Variants in LRP5 observed in about 807,000 individuals in gnomAD.
LRP5 encodes the protein low-density lipoprotein receptor-related protein 5.
LRP5 carries 62 observed loss-of-function variants against 154.1 expected under a neutral mutation model. The ratio of observed to expected loss-of-function variants is 0.40; its 90% confidence interval spans 0.33 to 0.50. LRP5 has a LOEUF of 0.50. Ranked by LOEUF, LRP5 falls within the 20% of genes least tolerant of loss-of-function variation. The pLI, the probability that LRP5 is intolerant of heterozygous loss-of-function variation, is 0.55. For synonymous variants in LRP5, 966 were observed against 1,011.5 expected, an observed-to-expected ratio of 0.96 and a Z score of 0.85; for missense variants, 1,915 against 2,336.7, an observed-to-expected ratio of 0.82 and a Z score of 3.72.
At chr11:68,364,358 A>ATGTATGTG (rs1555077465) in intron 4 of LRP5, among the ~76,000 whole-genome samples, 1 of 145,426 alleles carries the variant, frequency 6.9e-6, no homozygotes, top group Non-Finnish European at 1.5e-5. Flanking sequence ...ATACATATAT[A>ATGTATGTG]TGTGTGTGTG....
At chr11:68,343,283 G>A (rs540393621) in intron 1 of LRP5, among the ~76,000 whole-genome samples, 9 of 152,316 alleles carry the variant, frequency 5.9e-5, no homozygotes, top group African/African-American at 1.9e-4. Flanking sequence ...CTCTGTGCGT[G>A]TGTTAGCAGG....
At chr11:68,321,258 G>A (rs1358150462) in intron 1 of LRP5, among the ~76,000 whole-genome samples, 1 of 152,056 alleles carries the variant, frequency 6.6e-6, no homozygotes, top group Admixed American at 6.6e-5. Flanking sequence ...GTGTCTTTGT[G>A]TACCGGAATG....
rs546722685 is a variant in LRP5 at position 68,382,316 on chromosome 11, C to T, written c.1016-4000C>T. Among the ~76,000 whole-genome samples the T allele has an allele frequency of 5.3e-5, 8 of 152,252 alleles. No individual in the cohort carries two copies. In the South Asian group the frequency reaches 1.5e-3, roughly 28 times the overall value. On this transcript the variant is annotated intron_variant, in intron 5 of 22. Transcript: ENST00000294304. ...AGGGCTAGGGCTGGGTGTGCTCAGCCCCTGAAGGTTCTAGGCCCATTTGGG... is the reference window on the plus strand; with the variant it reads ...AGGGCTAGGGCTGGGTGTGCTCAGCTCCTGAAGGTTCTAGGCCCATTTGGG...
chr11:68,403,689 C>A lies in LRP5; in HGVS notation c.1791C>A (p.Ala597=). The stretch of plus-strand genomic sequence containing the variant: ...TGGGGCTCAAAGCTGTGAATGTGGC[C>A]AAGGTCGTCGGTGAGTCCGGGGGGT... ...DLMGLKAVNV[A]KVVGTNPCAD... is the part of the protein sequence containing the mutation. The change falls in exon 8 of 23, where the codon GCC becomes GCA. Residue 597 remains alanine (A), a synonymous_variant. Coordinates refer to ENST00000294304, the MANE Select transcript of LRP5 (RefSeq NM_002335.4). 1.2e-6 allele frequency: 2 copies of A among 1,613,752 alleles called. No individual in the cohort carries two copies. Among genetic ancestry groups the A allele is most frequent in the Non-Finnish European group, 1.7e-6 (2 of 1,180,044 alleles).
rs1274316424 is a variant in LRP5 at position 68,413,976 on chromosome 11, C to T, written c.2791C>T (p.His931Tyr). 6.2e-7 allele frequency: 1 copy of T among 1,606,374 alleles called. No homozygotes were observed. The highest frequency in any genetic ancestry group is 8.5e-7 in the Non-Finnish European group (1 of 1,179,918). ...PGGHRCGCAS[H>Y]YTLDPSSRNC... is the part of the protein sequence containing the mutation. ...CGGCCACCGCTGCGGCTGCGCCTCA[C>T]ACTACACCCTGGACCCCAGCAGCCG... Residue 931 changes from histidine (H) to tyrosine (Y), a missense_variant, in exon 12 of 23, where the codon CAC becomes TAC. This residue lies in a region of LRP5 where 1,094 missense variants were observed against 1,210.1 expected (regional missense o/e 0.90). Coordinates refer to ENST00000294304, the MANE Select transcript of LRP5 (RefSeq NM_002335.4). This position sits in a 1 kb window ranked among gnomAD's most constrained non-coding sequence, Gnocchi z 5.1.
chr11:68,368,995 G>A (rs1029590973), intron 5 of LRP5, among the ~76,000 whole-genome samples: 9 of 151,912 alleles, frequency 5.9e-5, no homozygotes, highest in African/African-American at 2.2e-4. Flanking sequence ...CCGCTACTAT[G>A]TCTGGCTAAT....
chr11:68,318,745 C>T (rs181240875), intron 1 of LRP5, among the ~76,000 whole-genome samples: 2 of 152,304 alleles, frequency 1.3e-5, no homozygotes, highest in African/African-American at 4.8e-5. Flanking sequence ...GATATGACAA[C>T]GGCTCCTCTC....
At chr11:68,344,849 C>CTCTTTT (rs1296907089) in intron 1 of LRP5, among the ~76,000 whole-genome samples, 15 of 65,544 alleles carry the variant, frequency 2.3e-4, no homozygotes, top group African/African-American at 9.3e-4. Flanking sequence ...GAATCTCTCT[C>CTCTTTT]TTTTTTTTTT....
chr11:68,426,591 C>T (rs1270142518), intron 16 of LRP5, among the ~76,000 whole-genome samples: 1 of 149,780 alleles, frequency 6.7e-6, no homozygotes, highest in Non-Finnish European at 1.5e-5. Context: ...CCACACCTGG[C>T]TAATTTTTTT....
chr11:68,417,448 G>GTT (rs1565095730), intron 13 of LRP5, among the ~76,000 whole-genome samples: 142 of 40,304 alleles, frequency 3.5e-3, no homozygotes, highest in Middle Eastern at 0.023. Flanking sequence ...GAACAGATTG[G>GTT]CTTTTTTTTT....
chr11:68,377,294 C>A (rs962224729), intron 5 of LRP5, among the ~76,000 whole-genome samples: 1 of 152,204 alleles, frequency 6.6e-6, no homozygotes, highest in African/African-American at 2.4e-5. Flanking sequence ...GCCCTGACCC[C>A]AGGCAGAGCA....
chr11:68,401,320 G>C (rs981077780), intron 7 of LRP5, among the ~76,000 whole-genome samples: 1 of 152,122 alleles, frequency 6.6e-6, no homozygotes, highest in African/African-American at 2.4e-5. Flanking sequence ...ATTGCACACC[G>C]GAGCATCCAG....
rs1317679037 is a variant in LRP5 at position 68,439,935 on chromosome 11, GA to G, written c.4488+20del. 1.3e-6 allele frequency: 2 copies of G among 1,484,998 alleles called. No homozygotes were observed. The highest frequency in any genetic ancestry group is 2.8e-5 in the African/African-American group (2 of 72,240). 92.0% of individuals were successfully genotyped at this position (1,484,998 alleles called of 1,614,324 possible). A position where few individuals can be genotyped will look rare whatever the true frequency, so the allele number is the denominator to read the frequency against. Reference sequence around the variant, plus strand: ...CCCGCCGGTGAGGGGCGGGGCCGGGGAGGGGCGGGGCGGGATGGGGCTGTGG... The same window carrying G: ...CCCGCCGGTGAGGGGCGGGGCCGGGGGGGGCGGGGCGGGATGGGGCTGTGG... On this transcript the variant is annotated intron_variant, in intron 21 of 22. Coordinates refer to ENST00000294304, the MANE Select transcript of LRP5 (RefSeq NM_002335.4).
chr11:68,315,950 G>A (rs2098593102), intron 1 of LRP5, among the ~76,000 whole-genome samples: 1 of 151,976 alleles, frequency 6.6e-6, no homozygotes, highest in South Asian at 2.1e-4. Context: ...TTTAAATTGA[G>A]GTGAAACTTA....
At chr11:68,329,585 A>G (rs1427584240) in intron 1 of LRP5, among the ~76,000 whole-genome samples, 1 of 152,170 alleles carries the variant, frequency 6.6e-6, no homozygotes, top group Non-Finnish European at 1.5e-5. Context: ...CAGCCTGCCC[A>G]TTTAATGGAT....
intron 3 of LRP5, among the ~76,000 whole-genome samples, chr11:68,360,307 G>C (rs2098626728): frequency 6.6e-6 from 1 of 152,214 alleles, no homozygotes; most frequent in South Asian, 2.1e-4. Flanking sequence ...GTGAACCACT[G>C]TGCCTAGCCT....
At position 68,386,432 on chromosome 11, in the gene LRP5, A is replaced by G. The variant is rs369747444; in HGVS notation, c.1132A>G (p.Ile378Val). The change falls in exon 6 of 23, where the codon ATC (isoleucine) becomes GTC (valine). Residue 378 changes from isoleucine to valine, a missense_variant. By Grantham distance (29) the Ile-to-Val change is conservative (BLOSUM62 3). Coordinates refer to ENST00000294304, the MANE Select transcript of LRP5 (RefSeq NM_002335.4). This position sits in a 1 kb window ranked among gnomAD's most constrained non-coding sequence, Gnocchi z 7.9. ...QVDDIRHAIAIDYDPLEGYVY... is the reference protein window; with the variant it reads ...QVDDIRHAIAVDYDPLEGYVY... ...GGACGACATCCGGCACGCCATTGCC[A>G]TCGACTACGACCCGCTAGAGGGCTA... is the stretch of plus-strand genomic sequence containing the variant. 40 of 1,613,974 alleles carry G rather than the reference A, an allele frequency of 2.5e-5. No homozygotes were observed. Among genetic ancestry groups the G allele is most frequent in the Admixed American group, 1.8e-4 (11 of 60,012 alleles).
chr11:68,375,671 C>T (rs528351742), intron 5 of LRP5, among the ~76,000 whole-genome samples: 3 of 152,350 alleles, frequency 2.0e-5, no homozygotes, highest in African/African-American at 7.2e-5. Flanking sequence ...TGGGAGAGTT[C>T]GGTAACACCT....
chr11:68,363,977 C>A, intron 4 of LRP5, 34 bp downstream of exon 4: 1 of 144,744 alleles, frequency 6.9e-6, no homozygotes, highest in Non-Finnish European at 1.3e-5. Context: ...GGCGAGGGTG[C>A]GGGGGCTGGG....
Sources: allele counts gnomAD v4.1 joint callset (sites outside exome capture counted in the v4.1 genomes callset), GRCh38; gene constraint gnomAD v4.1.1; regional missense constraint gnomAD v4.1.1; non-coding constraint Gnocchi (gnomAD v3.1); transcripts MANE v1.5; gene names NCBI Gene and HGNC (gene_info 2026-07-23, HGNC 2026-07-21).